The following TLN2 variants were observed in gnomAD, a reference collection of about 807,000 sequenced individuals.
TLN2 encodes talin 2.
A neutral mutation model predicts 294.7 loss-of-function variants in TLN2; 118 were observed. That is an observed-to-expected ratio of 0.40 (90% CI 0.34 to 0.47). TLN2 has a LOEUF of 0.47. TLN2 is among the 20% of genes least tolerant of loss of function. The probability of loss-of-function intolerance (pLI) is 0.84; values close to 1 mark genes in which losing one functional copy is unlikely to be tolerated. For missense variants in TLN2, 3,083 were observed against 3,282.2 expected (o/e 0.94, Z 1.48); for synonymous variants, 1,431 against 1,304.5 (o/e 1.10, Z -2.09).
chr15:62,716,273 A>G, intron 22 of TLN2, 58 bp from the exon 23 acceptor site: 1 of 1,460,208 alleles, frequency 6.8e-7, no homozygotes, highest in Non-Finnish European at 9.1e-7. Flanking sequence ...TACTGAAGGC[A>G]TGAATTCAGT....
intron 9 of TLN2, among the ~76,000 whole-genome samples, chr15:62,667,413 C>T (rs1214119901): frequency 1.3e-5 from 2 of 152,092 alleles, no homozygotes; most frequent in African/African-American, 4.8e-5. Flanking sequence ...CCTGGGTGTT[C>T]CAGCATCCTT....
At chr15:62,564,921 A>ATATATATATATAT (rs1160315259) in intron 1 of TLN2, among the ~76,000 whole-genome samples, 2 of 113,206 alleles carry the variant, frequency 1.8e-5, no homozygotes, top group Admixed American at 9.1e-5. Flanking sequence ...AAAAAAAAAA[A>ATATATATATATAT]AAAAATATAT....
chr15:62,561,863 T>C, intron 1 of TLN2, among the ~76,000 whole-genome samples: 1 of 152,138 alleles, frequency 6.6e-6, no homozygotes, highest in East Asian at 1.9e-4. Flanking sequence ...TTTCCTTTTT[T>C]TCCCATCTTC....
At chr15:62,421,583 C>G (rs1045969376) in intron 1 of TLN2, among the ~76,000 whole-genome samples, 2 of 150,976 alleles carry the variant, frequency 1.3e-5, no homozygotes, top group Admixed American at 6.6e-5. Flanking sequence ...AACAGAAAAC[C>G]AAATACCATA....
chr15:62,582,246 A>ACACCCACACC lies in TLN2; in HGVS notation c.-237-7439_-237-7438insCCCACACCCA, dbSNP rs764248336. Among the ~76,000 whole-genome samples the ACACCCACACC allele has an allele frequency of 2.2e-5, 3 of 137,310 alleles. No homozygotes were observed. In the South Asian group the frequency reaches 7.5e-4, roughly 35 times the overall value. The allele number at this position is 137,310 out of a possible 152,430, so 90.1% of individuals were successfully genotyped here. Reference sequence around the variant, plus strand: ...CACACACACACACACACACACACACACATTCATGCCTGACCCATTCCTGAC... The same window carrying ACACCCACACC: ...CACACACACACACACACACACACACACACCCACACCCATTCATGCCTGACCCATTCCTGAC... On this transcript the variant is annotated intron_variant, in intron 1 of 58. Coordinates refer to ENST00000636159, the MANE Select transcript of TLN2 (RefSeq NM_015059.3).
At chr15:62,764,958 C>T (rs556613052) in intron 40 of TLN2, among the ~76,000 whole-genome samples, 4 of 132,936 alleles carry the variant, frequency 3.0e-5, no homozygotes, top group Admixed American at 2.5e-4. Flanking sequence ...GACAACAGAG[C>T]GAGACTCCAT....
rs555428020 is a variant in TLN2 at position 62,574,126 on chromosome 15, A to G, written c.-237-15561A>G. ...TCAACTCCTCGGTATTTTAGGTACC[A>G]TCTGTCTTCCCATCTCAATTATGAA... On this transcript the variant is annotated intron_variant, in intron 1 of 58. Transcript: ENST00000636159. Among the ~76,000 whole-genome samples the G allele has an allele frequency of 7.6e-4, 115 of 152,150 alleles. 1 individual carries two copies. Among genetic ancestry groups the G allele is most frequent in the Non-Finnish European group, 1.4e-3 (93 of 68,000 alleles).
chr15:62,591,725 G>C (rs1303912082), intron 2 of TLN2, among the ~76,000 whole-genome samples: 4 of 152,090 alleles, frequency 2.6e-5, no homozygotes, highest in African/African-American at 9.7e-5. Flanking sequence ...TAGAATACTG[G>C]ACTCCAAGGA....
rs183719357 is a variant in TLN2 at position 62,463,733 on chromosome 15, A to C, written c.-238+73048A>C. 1.2e-3 allele frequency among the ~76,000 whole-genome samples: 180 copies of C among 152,186 alleles called. 2 individuals carry two copies. Among genetic ancestry groups the C allele is most frequent in the Non-Finnish European group, 5.7e-4 (39 of 68,002 alleles). ...ACCCCGTCTCTACTAAAAACACACA[A>C]AAAATTAGCCAGGCGTGGTGGTGGG... On this transcript the variant is annotated intron_variant, in intron 1 of 58. Coordinates refer to ENST00000636159, the MANE Select transcript of TLN2 (RefSeq NM_015059.3).
At chr15:62,562,642 C>T (rs2043056988) in intron 1 of TLN2, among the ~76,000 whole-genome samples, 1 of 151,920 alleles carries the variant, frequency 6.6e-6, no homozygotes, top group African/African-American at 2.4e-5. Flanking sequence ...GTGCACCCAT[C>T]ACCGGAGCAG....
chr15:62,825,868 T>TTATA (rs10596547), intron 54 of TLN2, among the ~76,000 whole-genome samples: 2 of 85,524 alleles, frequency 2.3e-5, no homozygotes, highest in Non-Finnish European at 4.1e-5. Context: ...ATATATATAT[T>TTATA]TATATATATA....
intron 1 of TLN2, among the ~76,000 whole-genome samples, chr15:62,467,106 G>A (rs779682440): frequency 1.3e-5 from 2 of 152,274 alleles, no homozygotes; most frequent in East Asian, 1.9e-4. Context: ...TATGAGTTAC[G>A]GAATGGCTGT....
chr15:62,697,226 T>TC lies in TLN2; in HGVS notation c.1293-460dup, dbSNP rs1474659656. Among the ~76,000 whole-genome samples the TC allele has an allele frequency of 2.6e-5, 4 of 152,182 alleles. No homozygotes were observed. The East Asian group carries it at 7.8e-4, about 30-fold the overall frequency. ...GGGCTCAGGTGATCCTCTCACCTCA[T>TC]CCTCTTGAATAGCTAGGACTATAGG... On this transcript the variant is annotated intron_variant, in intron 14 of 58. Coordinates refer to ENST00000636159, the MANE Select transcript of TLN2 (RefSeq NM_015059.3).
intron 1 of TLN2, among the ~76,000 whole-genome samples, chr15:62,392,994 T>A (rs1389270262): frequency 2.0e-5 from 3 of 151,330 alleles, no homozygotes; most frequent in African/African-American, 7.3e-5. Context: ...CCTACACGAA[T>A]GCCTTTTTTT....
At chr15:62,615,232 T>C (rs1261099146) in intron 2 of TLN2, among the ~76,000 whole-genome samples, 1 of 152,248 alleles carries the variant, frequency 6.6e-6, no homozygotes. Context: ...CTCACCTAAT[T>C]TGGCAGTAAT....
chr15:62,820,621 ATTTATGG>A lies in TLN2; in HGVS notation c.7002+14_7002+20del. On this transcript the variant is annotated intron_variant, in intron 54 of 58. Transcript: ENST00000636159. The stretch of plus-strand genomic sequence containing the variant: ...AGAGCAAAACCAAAAGTAAGTGTTC[ATTTATGG>A]TTGGCTGTCCGATGTCAGTGGGTTC... 1 of 1,611,708 alleles carries A rather than the reference ATTTATGG, an allele frequency of 6.2e-7. No homozygotes were observed. The highest frequency in any genetic ancestry group is 8.5e-7 in the Non-Finnish European group (1 of 1,178,558).
intron 1 of TLN2, among the ~76,000 whole-genome samples, chr15:62,507,394 A>AC (rs1329232715): frequency 1.3e-5 from 2 of 152,188 alleles, no homozygotes; most frequent in Non-Finnish European, 2.9e-5. Flanking sequence ...ACCTCCCGCA[A>AC]CCGAGTCCCC....
At chr15:62,592,627 C>T (rs1225494021) in intron 2 of TLN2, among the ~76,000 whole-genome samples, 1 of 147,818 alleles carries the variant, frequency 6.8e-6, no homozygotes, top group Non-Finnish European at 1.5e-5. Flanking sequence ...AGGAGAATTG[C>T]TTTAAGTGAT....
At chr15:62,443,038 C>CT (rs933662378) in intron 1 of TLN2, among the ~76,000 whole-genome samples, 27 of 152,310 alleles carry the variant, frequency 1.8e-4, no homozygotes, top group African/African-American at 6.5e-4. Context: ...TACCTCCCCT[C>CT]TTTTCAGGAC....
Sources: allele counts gnomAD v4.1 joint callset (sites outside exome capture counted in the v4.1 genomes callset), GRCh38; gene constraint gnomAD v4.1.1; transcripts MANE v1.5; gene names NCBI Gene and HGNC (gene_info 2026-07-23, HGNC 2026-07-21).